The following TMEM161B variants were observed in gnomAD, a reference collection of about 807,000 sequenced individuals.
TMEM161B encodes transmembrane protein 161B.
Under a neutral mutation model 61.8 loss-of-function variants are expected in TMEM161B, and 34 were observed. That is an observed-to-expected ratio of 0.55 (90% CI 0.42 to 0.73). The LOEUF is 0.73. Ranked by LOEUF, TMEM161B falls within the 30% of genes least tolerant of loss-of-function variation. The pLI, the probability that TMEM161B is intolerant of heterozygous loss-of-function variation, is 0.00. For synonymous variants in TMEM161B, 167 were observed against 192.8 expected (o/e 0.87, Z 1.11); for missense variants, 456 against 558.5 (o/e 0.82, Z 1.85).
intron 4 of TMEM161B, among the ~76,000 whole-genome samples, chr5:88,224,409 A>G (rs1278171933): frequency 6.6e-6 from 1 of 152,206 alleles, no homozygotes; most frequent in Non-Finnish European, 1.5e-5. Context: ...TTTCCCTTCT[A>G]GGATTCAAAT....
chr5:88,220,718 T>C lies in TMEM161B; in HGVS notation c.291A>G (p.Ala97=). ...ACTGGTATTCTGGAAAGTAATGCAA[T>C]GCTGGAAAGAAAAAAAAAAAAAAAA... is the stretch of plus-strand genomic sequence containing the variant. ...TKSVTEVDTL[A]LHYFPEYQWL... is the part of the protein sequence containing the mutation. Residue 97 remains alanine, a splice_region_variant and synonymous_variant, in exon 5 of 12, where the codon GCA becomes GCG. Coordinates refer to ENST00000296595, the MANE Select transcript of TMEM161B (RefSeq NM_153354.5). 1 of 862,362 alleles carries C rather than the reference T, an allele frequency of 1.2e-6. No individual in the cohort carries two copies. 53.4% of individuals were successfully genotyped at this position (862,362 alleles called of 1,614,324 possible).
intron 3 of TMEM161B, 61 bp downstream of exon 3, chr5:88,228,384 A>C: frequency 1.6e-6 from 2 of 1,245,810 alleles, no homozygotes; most frequent in Non-Finnish European, 1.1e-6. Flanking sequence ...TCAAAGCATA[A>C]AAATGTATTT....
intron 5 of TMEM161B, among the ~76,000 whole-genome samples, chr5:88,214,685 A>C (rs1747488020): frequency 6.6e-6 from 1 of 152,204 alleles, no homozygotes. Flanking sequence ...TCCTCATTGC[A>C]AGGGTTTCTT....
intron 5 of TMEM161B, among the ~76,000 whole-genome samples, chr5:88,220,101 A>C (rs1277705046): frequency 6.6e-6 from 1 of 152,170 alleles, no homozygotes; most frequent in African/African-American, 2.4e-5. Context: ...GGAAGGTAAT[A>C]ATACACTATA....
At chr5:88,268,624 A>G in intron 1 of TMEM161B, 97 bp downstream of exon 1, 2 of 1,568,902 alleles carry the variant, frequency 1.3e-6, no homozygotes, top group South Asian at 1.1e-5. Context: ...TCTCAACTCC[A>G]TTCTGAGCAG....
At chr5:88,266,861 T>C (rs558376138) in intron 1 of TMEM161B, among the ~76,000 whole-genome samples, 26 of 152,292 alleles carry the variant, frequency 1.7e-4, no homozygotes, top group Admixed American at 1.4e-3. Context: ...CTCAGAAATA[T>C]AAGCACTTCC....
chr5:88,194,263 A>C (rs568782086), downstream of TMEM161B, among the ~76,000 whole-genome samples: 8 of 152,060 alleles, frequency 5.3e-5, no homozygotes, highest in African/African-American at 1.7e-4. Flanking sequence ...TCTGTTTCTG[A>C]GTTAGTTCAC....
intron 1 of TMEM161B, among the ~76,000 whole-genome samples, chr5:88,260,409 C>T (rs1755536890): frequency 6.6e-6 from 1 of 152,080 alleles, no homozygotes; most frequent in African/African-American, 2.4e-5. Flanking sequence ...ACTTTCAATG[C>T]CATGTATTTA....
chr5:88,204,314 GAAAAT>G (rs1350457385), intron 8 of TMEM161B, among the ~76,000 whole-genome samples: 3 of 151,940 alleles, frequency 2.0e-5, no homozygotes, highest in African/African-American at 2.4e-5. Flanking sequence ...GCAATAAACT[GAAAAT>G]AAAATAAAAC....
At position 88,268,727 on chromosome 5, in the gene TMEM161B, G is replaced by A. The variant is rs1487580558; in HGVS notation, c.-4C>T. The A allele has an allele frequency of 1.2e-6, 2 of 1,614,074 alleles. No individual in the cohort carries two copies. Among genetic ancestry groups the A allele is most frequent in the African/African-American group, 1.3e-5 (1 of 75,036 alleles). On this transcript the variant is annotated 5_prime_UTR_variant, in exon 1 of 12. Coordinates refer to ENST00000296595, the MANE Select transcript of TMEM161B (RefSeq NM_153354.5). ...CCCTCACAGAAGAACTCACCATGGC[G>A]CCTAGGATAGGTCGTGGACCAGACA... is the stretch of plus-strand genomic sequence containing the variant.
chr5:88,243,873 G>C (rs1033360875), intron 1 of TMEM161B, among the ~76,000 whole-genome samples: 1 of 151,776 alleles, frequency 6.6e-6, no homozygotes, highest in African/African-American at 2.4e-5. Flanking sequence ...TCATATGTTT[G>C]TTGGCCACAT....
At chr5:88,246,982 G>A (rs1753701233) in intron 1 of TMEM161B, among the ~76,000 whole-genome samples, 1 of 151,962 alleles carries the variant, frequency 6.6e-6, no homozygotes, top group Non-Finnish European at 1.5e-5. Flanking sequence ...TGATTCTCTT[G>A]ATAACTGGAA....
downstream of TMEM161B, among the ~76,000 whole-genome samples, chr5:88,188,529 T>G (rs1748502974): frequency 6.6e-6 from 1 of 152,108 alleles, no homozygotes; most frequent in Non-Finnish European, 1.5e-5. Flanking sequence ...CAGAATGTGG[T>G]TGTGATGGTT....
intron 11 of TMEM161B, 127 bp downstream of exon 11, chr5:88,197,542 G>C (rs1412312757): frequency 1.2e-6 from 1 of 802,362 alleles, no homozygotes; most frequent in Non-Finnish European, 2.0e-6. Context: ...ACTTTCCCAT[G>C]GTTCTTTTTA....
chr5:88,215,456 T>A (rs548576265), intron 5 of TMEM161B, among the ~76,000 whole-genome samples: 89 of 151,732 alleles, frequency 5.9e-4, no homozygotes, highest in African/African-American at 2.1e-3. Flanking sequence ...TATATGCCTT[T>A]AAAGGTGGTA....
At chr5:88,254,554 T>C (rs764147057) in intron 1 of TMEM161B, among the ~76,000 whole-genome samples, 1 of 152,124 alleles carries the variant, frequency 6.6e-6, no homozygotes, top group Non-Finnish European at 1.5e-5. Context: ...ATGATTGATT[T>C]AGCAGGATGT....
At chr5:88,220,252 A>T (rs1184723826) in intron 5 of TMEM161B, among the ~76,000 whole-genome samples, 1 of 152,120 alleles carries the variant, frequency 6.6e-6, no homozygotes, top group Non-Finnish European at 1.5e-5. Context: ...AATAATATAT[A>T]AATAGTAACA....
At chr5:88,190,792 C>A (rs774695115), downstream of TMEM161B, among the ~76,000 whole-genome samples, 3 of 152,120 alleles carry the variant, frequency 2.0e-5, no homozygotes, top group Non-Finnish European at 2.9e-5. Flanking sequence ...TGATTTCAGT[C>A]CCATCTGGTT....
Position 88,225,807 on chromosome 5 carries a change from T to C in TMEM161B, c.251A>G (p.His84Arg), listed in dbSNP as rs774645081. The C allele has an allele frequency of 6.2e-7, 1 of 1,611,570 alleles. No homozygotes were observed. Among genetic ancestry groups the C allele is most frequent in the South Asian group, 1.1e-5 (1 of 90,746 alleles). The change falls in exon 4 of 12, where the codon CAT (histidine) becomes CGT (arginine). Residue 84 changes from histidine to arginine, a missense_variant. Around this residue, in one of 3 missense-constraint regions of TMEM161B, gnomAD observed 85 missense variants for 111.2 expected, o/e 0.76. Transcript: ENST00000296595. ...TTCTGTAACTGACTTTGTTTCTAGA[T>C]GAAGGTCAATATCCTTTGGAATGGT... Reference protein sequence around the residue: ...PLTIPKDIDLHLETKSVTEVD... With the variant: ...PLTIPKDIDLRLETKSVTEVD...
Sources: gnomAD v4.1 joint callset for allele counts (sites outside exome capture counted in the v4.1 genomes callset) on GRCh38, gnomAD v4.1.1 for gene constraint, gnomAD v4.1.1 regional missense constraint, MANE v1.5 for transcripts, NCBI Gene and HGNC (gene_info 2026-07-23, HGNC 2026-07-21) for gene names.